The following EMC1 variants were observed in gnomAD, a reference collection of about 807,000 sequenced individuals.
The protein encoded by EMC1 is KIAA0090.
EMC1 carries 103 observed loss-of-function variants against 128.8 expected under a neutral mutation model. That is an observed-to-expected ratio of 0.80 (90% CI 0.68 to 0.94). The LOEUF (loss-of-function observed/expected upper bound fraction) is 0.94. Ranked by LOEUF, EMC1 falls within the 40% of genes least tolerant of loss-of-function variation. The probability of loss-of-function intolerance (pLI) is 0.00; values close to 1 mark genes in which losing one functional copy is unlikely to be tolerated. For missense variants in EMC1, 1,083 were observed against 1,250.6 expected (o/e 0.87, Z 2.02); for synonymous variants, 442 against 490.4 (o/e 0.90, Z 1.30).
At chr1:19,226,555 A>T (rs566456460) in intron 18 of EMC1, among the ~76,000 whole-genome samples, 28 of 151,814 alleles carry the variant, frequency 1.8e-4, no homozygotes, top group East Asian at 5.8e-4. Context: ...TTTAAAAAAA[A>T]TTTTTTTTGT....
At chr1:19,228,760 A>AG (rs1403935003) in intron 17 of EMC1, among the ~76,000 whole-genome samples, 1 of 152,194 alleles carries the variant, frequency 6.6e-6, no homozygotes, top group Non-Finnish European at 1.5e-5. Flanking sequence ...TGAGAAAAAA[A>AG]AATAAAATGG....
intron 1 of EMC1, among the ~76,000 whole-genome samples, chr1:19,245,627 CT>C (rs539316345): frequency 7.2e-4 from 89 of 123,042 alleles, no homozygotes; most frequent in Non-Finnish European, 6.8e-4. Flanking sequence ...CCTTACCTTT[CT>C]TTTTTTTTTT....
intron 13 of EMC1, 98 bp from the exon 14 acceptor site, chr1:19,233,233 G>A: frequency 1.9e-6 from 2 of 1,071,676 alleles, no homozygotes; most frequent in East Asian, 2.4e-5. Flanking sequence ...CTCCTCTGGA[G>A]CAATAAAGTC....
At chr1:19,225,239 G>A (rs1343160387) in intron 18 of EMC1, among the ~76,000 whole-genome samples, 4 of 152,212 alleles carry the variant, frequency 2.6e-5, no homozygotes, top group Non-Finnish European at 2.9e-5. Context: ...GCTGCTGGCC[G>A]GGTGCGGTGG....
intron 8 of EMC1, 147 bp downstream of exon 8, chr1:19,239,671 C>T (rs2093591711): frequency 5.4e-6 from 4 of 741,172 alleles, no homozygotes; most frequent in African/African-American, 1.8e-5. Flanking sequence ...GATAAGGCTA[C>T]CTACCCCCTC....
intron 21 of EMC1, 176 bp downstream of exon 21, chr1:19,220,588 A>G: frequency 2.0e-6 from 1 of 488,684 alleles, no homozygotes; most frequent in Non-Finnish European, 3.7e-6. Context: ...TTTATTGTCC[A>G]TTTCCCAGCA....
At chr1:19,248,698 G>A (rs184027405) in intron 1 of EMC1, among the ~76,000 whole-genome samples, 100 of 152,112 alleles carry the variant, frequency 6.6e-4, no homozygotes, top group Admixed American at 1.0e-3. Flanking sequence ...GATTATAGGC[G>A]TGAGCCACCA....
chr1:19,229,425 C>T (rs1206079405), intron 17 of EMC1: 1 of 152,174 alleles, frequency 6.6e-6, no homozygotes, highest in Non-Finnish European at 1.5e-5. Context: ...GTCCCGGACT[C>T]GCGCACACAG....
chr1:19,231,672 G>A (rs2093523507), intron 15 of EMC1, among the ~76,000 whole-genome samples: 1 of 152,180 alleles, frequency 6.6e-6, no homozygotes, highest in South Asian at 2.1e-4. Flanking sequence ...CAAGCTGGAA[G>A]TACAGTGGCA....
chr1:19,239,721 A>G (rs2151957985), intron 8 of EMC1, 97 bp downstream of exon 8: 1 of 1,319,584 alleles, frequency 7.6e-7, no homozygotes, highest in South Asian at 1.3e-5. Context: ...TCTTGGGCCT[A>G]AGAGCAAACG....
chr1:19,230,456 G>C (rs945125144), intron 17 of EMC1, among the ~76,000 whole-genome samples: 4 of 152,144 alleles, frequency 2.6e-5, no homozygotes, highest in Non-Finnish European at 4.4e-5. Flanking sequence ...TGTAATCCCA[G>C]CTACTTGGGT....
At chr1:19,231,556 T>TCACC in intron 15 of EMC1, 134 bp from the exon 16 acceptor site, 2 of 920,406 alleles carry the variant, frequency 2.2e-6, no homozygotes, top group Non-Finnish European at 3.2e-6. Flanking sequence ...GGAAAATAAG[T>TCACC]TCTTGGCTGT....
Position 19,235,189 on chromosome 1 carries a change from A to AC in EMC1, c.1372dup (p.Val458GlyfsTer51). On this transcript the variant is annotated frameshift_variant, in exon 13 of 23. Transcript: ENST00000477853. LOFTEE classifies it high-confidence loss of function. ...CTGTGCCCCAGTCAGGGGGAGGTCCACCATCTCTAGGCACACCACTTCTGC... is the reference window on the plus strand; with the variant it reads ...CTGTGCCCCAGTCAGGGGGAGGTCCACCCATCTCTAGGCACACCACTTCTGC... 4.3e-6 allele frequency: 7 copies of AC among 1,614,042 alleles called. No homozygotes were observed. The highest frequency in any genetic ancestry group is 5.9e-6 in the Non-Finnish European group (7 of 1,179,940).
intron 18 of EMC1, among the ~76,000 whole-genome samples, chr1:19,226,049 C>T (rs558748675): frequency 3.2e-4 from 48 of 152,306 alleles, no homozygotes; most frequent in African/African-American, 1.1e-3. Context: ...CACTGTGTTG[C>T]ACTGGCTCAT....
intron 21 of EMC1, 177 bp from the exon 22 acceptor site, chr1:19,219,875 G>A: frequency 8.1e-6 from 5 of 616,052 alleles, no homozygotes; most frequent in Non-Finnish European, 1.4e-5. Context: ...AGGACTACAA[G>A]AAAGGAAGCT....
At chr1:19,227,902 G>T (rs16862622) in intron 17 of EMC1, among the ~76,000 whole-genome samples, 4 of 151,176 alleles carry the variant, frequency 2.6e-5, no homozygotes, top group Admixed American at 2.0e-4. Flanking sequence ...CAGAACTCTC[G>T]GTTTGATTAA....
intron 1 of EMC1, among the ~76,000 whole-genome samples, chr1:19,249,230 G>A (rs2093645812): frequency 6.6e-6 from 1 of 151,932 alleles, no homozygotes; most frequent in African/African-American, 2.4e-5. Flanking sequence ...CCACAGTAGT[G>A]TACAGTAATG....
intron 13 of EMC1, among the ~76,000 whole-genome samples, chr1:19,234,582 C>G (rs1455168102): frequency 1.3e-5 from 2 of 152,192 alleles, no homozygotes; most frequent in African/African-American, 4.8e-5. Flanking sequence ...CGCAGCAGCT[C>G]ACGCCTGTAA....
At chr1:19,228,984 C>A (rs1402252239) in intron 17 of EMC1, among the ~76,000 whole-genome samples, 1 of 152,138 alleles carries the variant, frequency 6.6e-6, no homozygotes, top group Non-Finnish European at 1.5e-5. Flanking sequence ...GCAGAGGTTG[C>A]AGTGAGCTGA....
Sources: allele counts gnomAD v4.1 joint callset (sites outside exome capture counted in the v4.1 genomes callset), GRCh38; gene constraint gnomAD v4.1.1; transcripts MANE v1.5; gene names NCBI Gene and HGNC (gene_info 2026-07-23, HGNC 2026-07-21).